HS6ST2: variants seen among roughly 807,000 people sequenced by gnomAD.
The protein encoded by HS6ST2 is heparan-sulfate 6-O-sulfotransferase 2.
In HS6ST2, 17 loss-of-function variants were observed where a neutral mutation model predicts 33.0. The ratio of observed to expected loss-of-function variants is 0.52; its 90% CI spans 0.35 to 0.77. The LOEUF is 0.77. HS6ST2 is among the 30% of genes least tolerant of loss of function. The probability of loss-of-function intolerance (pLI) is 0.01; values close to 1 mark genes in which losing one functional copy is unlikely to be tolerated. For missense variants in HS6ST2, 519 were observed against 551.7 expected, an observed-to-expected ratio of 0.94 and a Z score of 0.59; for synonymous variants, 248 against 237.1, an observed-to-expected ratio of 1.05 and a Z score of -0.42.
chrX:132,667,337 T>G (rs1231558928), intron 4 of HS6ST2, among the ~76,000 whole-genome samples: 1 of 111,693 alleles, frequency 9.0e-6, no homozygotes, highest in Non-Finnish European at 1.9e-5. Flanking sequence ...TCACTATACA[T>G]GTCAAGTAAA....
chrX:132,828,678 T>TTATATATATATATATATATA (rs1176610550), intron 2 of HS6ST2, among the ~76,000 whole-genome samples: 1 of 53,235 alleles, frequency 1.9e-5, no homozygotes, highest in Non-Finnish European at 3.2e-5. Flanking sequence ...ATATCATATT[T>TTATATATATATATATATATA]TATATATATA....
At chrX:132,731,425 C>T (rs1244949232) in intron 2 of HS6ST2, among the ~76,000 whole-genome samples, 1 of 111,885 alleles carries the variant, frequency 8.9e-6, no homozygotes, top group African/African-American at 3.3e-5. Flanking sequence ...GGACCCAGAT[C>T]TCTGTGCTTT....
At chrX:132,842,077 T>C (rs1053643348) in intron 2 of HS6ST2, among the ~76,000 whole-genome samples, 5 of 111,991 alleles carry the variant, frequency 4.5e-5, no homozygotes, top group Non-Finnish European at 9.4e-5. Flanking sequence ...TTTGCCTACA[T>C]AACAGGAGGG....
intron 4 of HS6ST2, among the ~76,000 whole-genome samples, chrX:132,656,086 T>C (rs1463645589): frequency 1.8e-5 from 2 of 108,382 alleles, no homozygotes; most frequent in East Asian, 5.7e-4. Context: ...CGGGGAGCAT[T>C]ACTCAAAACC....
chrX:132,836,513 T>TC (rs2065645872), intron 2 of HS6ST2, among the ~76,000 whole-genome samples: 1 of 112,336 alleles, frequency 8.9e-6, no homozygotes, highest in African/African-American at 3.2e-5. Flanking sequence ...ACTCTCTGCA[T>TC]CCCATGTAGA....
At chrX:132,960,238 G>A (rs1196358990), upstream of HS6ST2, among the ~76,000 whole-genome samples, 1 of 111,361 alleles carries the variant, frequency 9.0e-6, no homozygotes, top group African/African-American at 3.3e-5. Flanking sequence ...TAGGGTGTGA[G>A]CCAGGGTAGT....
intron 2 of HS6ST2, among the ~76,000 whole-genome samples, chrX:132,855,448 A>G (rs1166071859): frequency 1.8e-5 from 2 of 112,260 alleles, no homozygotes; most frequent in Non-Finnish European, 1.9e-5. Flanking sequence ...TTATTCACCA[A>G]CATAAATTCC....
chrX:132,797,436 C>G, intron 2 of HS6ST2, among the ~76,000 whole-genome samples: 1 of 112,232 alleles, frequency 8.9e-6, no homozygotes. Context: ...TATTGGAATT[C>G]TGGGCTTTCC....
chrX:132,708,049 T>C (rs1390474206), intron 3 of HS6ST2, among the ~76,000 whole-genome samples: 1 of 111,273 alleles, frequency 9.0e-6, no homozygotes, highest in Non-Finnish European at 1.9e-5. Context: ...ACTTGTTCTC[T>C]AAATCACAAT....
Position 132,718,386 on chromosome X carries a change from T to C in HS6ST2, c.948-9892A>G, listed in dbSNP as rs183162986. On this transcript the variant is annotated intron_variant, in intron 2 of 4. Coordinates refer to ENST00000370833, the MANE Select transcript of HS6ST2 (RefSeq NM_001394073.1). ...GAAGTCAGAGAGGCTCAAAGAGAAA[T>C]TTGCTCAAGGTCATACAGTTAATAA... Among the ~76,000 whole-genome samples, 15 of 111,635 alleles carry C rather than the reference T, an allele frequency of 1.3e-4. No individual in the cohort carries two copies. The East Asian group carries it at 4.0e-3, about 30-fold the overall frequency.
chrX:132,862,004 T>G, intron 2 of HS6ST2, among the ~76,000 whole-genome samples: 1 of 112,209 alleles, frequency 8.9e-6, no homozygotes, highest in Non-Finnish European at 1.9e-5. Context: ...AACAAGTTTG[T>G]TCTTTAATAA....
chrX:132,638,839 C>T (rs2063580325), intron 4 of HS6ST2, among the ~76,000 whole-genome samples: 1 of 111,979 alleles, frequency 8.9e-6, no homozygotes, highest in Non-Finnish European at 1.9e-5. Flanking sequence ...CTTGCACCCA[C>T]CAAACATGCT....
At chrX:132,758,994 G>T (rs1355908658) in intron 2 of HS6ST2, among the ~76,000 whole-genome samples, 1 of 111,653 alleles carries the variant, frequency 9.0e-6, no homozygotes, top group Non-Finnish European at 1.9e-5. Context: ...CCTGGGTGGT[G>T]TGAGTAGATG....
chrX:132,642,431 C>A (rs1254146209), intron 4 of HS6ST2, among the ~76,000 whole-genome samples: 2 of 111,186 alleles, frequency 1.8e-5, no homozygotes, highest in African/African-American at 6.5e-5. Context: ...GAAGTGCAAA[C>A]CCTGGCTTTT....
intron 2 of HS6ST2, among the ~76,000 whole-genome samples, chrX:132,810,803 G>T (rs1478151007): frequency 8.9e-6 from 1 of 112,306 alleles, no homozygotes; most frequent in Non-Finnish European, 1.9e-5. Context: ...GCCACGTAGA[G>T]CAGATTAAAG....
chrX:132,931,915 G>A (rs1191953288), intron 2 of HS6ST2, among the ~76,000 whole-genome samples: 7 of 109,847 alleles, frequency 6.4e-5, no homozygotes, highest in African/African-American at 2.0e-4. Flanking sequence ...GGCCAGGCGA[G>A]GTGGCTCACG....
At chrX:132,687,846 G>A (rs1270229702) in intron 3 of HS6ST2, among the ~76,000 whole-genome samples, 3 of 110,759 alleles carry the variant, frequency 2.7e-5, no homozygotes, top group Admixed American at 9.6e-5. Flanking sequence ...CCTCCCAGGT[G>A]CAAGTGATTC....
chrX:132,651,502 C>G (rs748174429), intron 4 of HS6ST2, among the ~76,000 whole-genome samples: 2 of 112,152 alleles, frequency 1.8e-5, no homozygotes, highest in Admixed American at 9.5e-5. Flanking sequence ...TACTCTTAGG[C>G]ATGAGTAAGA....
At chrX:132,891,385 T>TTTTA (rs2066309269) in intron 2 of HS6ST2, among the ~76,000 whole-genome samples, 1 of 109,668 alleles carries the variant, frequency 9.1e-6, no homozygotes, top group African/African-American at 3.3e-5. Flanking sequence ...TTTTTATTTT[T>TTTTA]TTTTTTATTA....
Sources: allele counts gnomAD v4.1 joint callset (sites outside exome capture counted in the v4.1 genomes callset), GRCh38; gene constraint gnomAD v4.1.1; transcripts MANE v1.5; gene names NCBI Gene and HGNC (gene_info 2026-07-23, HGNC 2026-07-21).